The following CTR9 variants were observed in gnomAD, a reference collection of about 807,000 sequenced individuals.
The protein encoded by CTR9 is RNA polymerase-associated protein CTR9 homolog.
Under a neutral mutation model 152.1 loss-of-function variants are expected in CTR9, and 41 were observed. The ratio of observed to expected loss-of-function variants is 0.27; its 90% CI spans 0.21 to 0.35. The LOEUF is 0.35. CTR9 is among the 10% of genes least tolerant of loss of function. The pLI, the probability that CTR9 is intolerant of heterozygous loss-of-function variation, is 1.00. For synonymous variants in CTR9, 476 were observed against 496.2 expected (o/e 0.96, Z 0.54); for missense variants, 917 against 1,424.4 (o/e 0.64, Z 5.73).
intron 16 of CTR9, 51 bp from the exon 17 acceptor site, chr11:10,770,159 A>G (rs1222857245): frequency 7.5e-7 from 1 of 1,327,114 alleles, no homozygotes; most frequent in Non-Finnish European, 1.1e-6. Flanking sequence ...CAAAATGAAA[A>G]TGTCATTTAT....
chr11:10,769,958 G>A (rs1863117049), intron 16 of CTR9, among the ~76,000 whole-genome samples: 2 of 152,168 alleles, frequency 1.3e-5, no homozygotes, highest in Admixed American at 1.3e-4. Context: ...TTCTTTCAAT[G>A]TTGGTCCAAA....
At chr11:10,771,319 C>A (rs1049162569) in intron 18 of CTR9, among the ~76,000 whole-genome samples, 1 of 152,156 alleles carries the variant, frequency 6.6e-6, no homozygotes, top group African/African-American at 2.4e-5. Context: ...ATACTTGTTG[C>A]TTGAATTGCT....
Position 10,779,716 on chromosome 11 carries a change from C to T in CTR9, c.*611C>T, listed in dbSNP as rs939292382. The T allele has an allele frequency of 6.6e-6, 1 of 152,140 alleles. No homozygotes were observed. Among genetic ancestry groups the T allele is most frequent in the African/African-American group, 2.4e-5 (1 of 41,418 alleles). The allele number at this position is 152,140 out of a possible 1,614,324, so 9.4% of individuals were successfully genotyped here. A position where few individuals can be genotyped will look rare whatever the true frequency, so the allele number is the denominator to read the frequency against. On this transcript the variant is annotated 3_prime_UTR_variant, in exon 25 of 25. Transcript: ENST00000361367. ...GTAGAATGCAAAAACCTACCTAAGC[C>T]ACATAATAATAAAATTCTTTTACCA...
At chr11:10,759,568 G>T (rs930732527) in intron 5 of CTR9, among the ~76,000 whole-genome samples, 1 of 152,184 alleles carries the variant, frequency 6.6e-6, no homozygotes, top group Non-Finnish European at 1.5e-5. Flanking sequence ...AAGGGATATA[G>T]AATCAAGAGA....
intron 9 of CTR9, 44 bp from the exon 10 acceptor site, chr11:10,764,068 C>T (rs758172363): frequency 1.9e-6 from 3 of 1,582,442 alleles, no homozygotes; most frequent in Non-Finnish European, 2.6e-6. Flanking sequence ...ATTTTGACAA[C>T]CTATAGATGG....
intron 2 of CTR9, 83 bp downstream of exon 2, chr11:10,752,853 CT>C: frequency 1.9e-6 from 2 of 1,075,978 alleles, no homozygotes; most frequent in South Asian, 1.3e-5. Context: ...TAATAGCCAG[CT>C]TGGCTGCATG....
chr11:10,762,863 G>C (rs556821949), intron 7 of CTR9, among the ~76,000 whole-genome samples: 1 of 151,866 alleles, frequency 6.6e-6, no homozygotes, highest in Non-Finnish European at 1.5e-5. Context: ...AAATTAGCTG[G>C]ACATGGTGGC....
chr11:10,754,578 C>T (rs1643470934), intron 2 of CTR9, among the ~76,000 whole-genome samples: 1 of 152,168 alleles, frequency 6.6e-6, no homozygotes, highest in African/African-American at 2.4e-5. Flanking sequence ...CACAAGTCCC[C>T]CACCCCACCC....
chr11:10,771,660 A>G (rs755908596), intron 19 of CTR9, 44 bp downstream of exon 19: 2 of 1,408,086 alleles, frequency 1.4e-6, no homozygotes, highest in African/African-American at 1.4e-5. Context: ...TGAGGCAGTG[A>G]TATTTACATG....
intron 20 of CTR9, among the ~76,000 whole-genome samples, 155 bp downstream of exon 20, chr11:10,772,810 T>C (rs1863165351): frequency 6.6e-6 from 1 of 152,050 alleles, no homozygotes; most frequent in Non-Finnish European, 1.5e-5. Flanking sequence ...GCGGATCACT[T>C]GAGGTCAGGA....
Position 10,764,552 on chromosome 11 carries a change from AT to A in CTR9, c.1424del (p.Leu475TrpfsTer63). On this transcript the variant is annotated frameshift_variant, in exon 12 of 25. Coordinates refer to ENST00000361367, the MANE Select transcript of CTR9 (RefSeq NM_014633.5). LOFTEE classifies it high-confidence loss of function. ...RLGNLGEAKKYFLASLDRAKA... is the reference protein window; with the variant it reads ...RLGNLGEAKKXFLASLDRAKA... ...TGTGATTTTTCTTTCTCATAGAAAT[AT>A]TTTTTGGCGTCATTGGACCGTGCAA... The A allele has an allele frequency of 6.2e-7, 1 of 1,604,334 alleles. No individual in the cohort carries two copies.
chr11:10,774,782 AAAGAACCTGCTACTACATT>A (rs1292832990), intron 22 of CTR9, among the ~76,000 whole-genome samples: 3 of 152,200 alleles, frequency 2.0e-5, no homozygotes, highest in African/African-American at 7.2e-5. Flanking sequence ...TATATTTGGG[AAAGAACCTGCTACTACATT>A]AAGACACAGA....
At chr11:10,771,043 T>A (rs1193904566) in intron 18 of CTR9, among the ~76,000 whole-genome samples, 3 of 152,244 alleles carry the variant, frequency 2.0e-5, no homozygotes, top group African/African-American at 7.2e-5. Flanking sequence ...TTGATTTTCA[T>A]TGAACTAGGA....
Position 10,767,949 on chromosome 11 carries a change from G to C in CTR9, c.1830G>C (p.Val610=). 6.2e-7 allele frequency: 1 copy of C among 1,614,128 alleles called. No homozygotes were observed. Among genetic ancestry groups the C allele is most frequent in the Non-Finnish European group, 8.5e-7 (1 of 1,180,002 alleles). ...DTYSMLALGN[V]WLQTLHQPTR... ...ATTCTATGCTAGCCCTTGGCAACGT[G>C]TGGCTCCAAACTTTACATCAGCCCA... The change falls in exon 14 of 25, where the codon GTG becomes GTC. Residue 610 remains valine, a synonymous_variant. Coordinates refer to ENST00000361367, the MANE Select transcript of CTR9 (RefSeq NM_014633.5). This position sits in a 1 kb window ranked among gnomAD's most constrained non-coding sequence, Gnocchi z 4.0.
At chr11:10,751,526 A>G in intron 1 of CTR9, 69 bp downstream of exon 1, 1 of 1,489,146 alleles carries the variant, frequency 6.7e-7, no homozygotes, top group Non-Finnish European at 9.3e-7. Flanking sequence ...ACTTCGCTCG[A>G]CTTCGTTTCT....
At chr11:10,775,102 C>A in intron 22 of CTR9, 105 bp from the exon 23 acceptor site, 1 of 839,812 alleles carries the variant, frequency 1.2e-6, no homozygotes, top group Admixed American at 2.4e-5. Flanking sequence ...AGGACAGCAC[C>A]CATATAGAAG....
At chr11:10,765,956 A>G (rs986728444) in intron 12 of CTR9, among the ~76,000 whole-genome samples, 2 of 152,084 alleles carry the variant, frequency 1.3e-5, no homozygotes, top group Non-Finnish European at 2.9e-5. Context: ...GCACTTCACT[A>G]TTAATTAATG....
At chr11:10,765,688 C>T (rs958716531) in intron 12 of CTR9, among the ~76,000 whole-genome samples, 4 of 152,194 alleles carry the variant, frequency 2.6e-5, no homozygotes, top group South Asian at 2.1e-4. Context: ...TCTAGAACTC[C>T]TGACTTCAGG....
chr11:10,754,678 C>T (rs1208111741), intron 2 of CTR9, among the ~76,000 whole-genome samples: 1 of 152,068 alleles, frequency 6.6e-6, no homozygotes, highest in South Asian at 2.1e-4. Context: ...TGGAATCACA[C>T]AATATGTACT....
Sources: allele counts gnomAD v4.1 joint callset (sites outside exome capture counted in the v4.1 genomes callset), GRCh38; gene constraint gnomAD v4.1.1; non-coding constraint Gnocchi (gnomAD v3.1); transcripts MANE v1.5; gene names NCBI Gene and HGNC (gene_info 2026-07-23, HGNC 2026-07-21).